Variants in RSF1 observed in about 807,000 individuals in gnomAD.
RSF1 encodes the protein remodeling and spacing factor 1.
RSF1 carries 13 observed loss-of-function variants against 145.2 expected under a neutral mutation model. The observed-to-expected ratio is 0.09, with a 90% CI of 0.06 to 0.14. The LOEUF is 0.14. RSF1 is among the 10% of genes least tolerant of loss of function. The probability of loss-of-function intolerance (pLI) is 1.00; values close to 1 mark genes in which losing one functional copy is unlikely to be tolerated. For missense variants in RSF1, 1,517 were observed against 1,718.2 expected (o/e 0.88, Z 2.07); for synonymous variants, 577 against 592.6 (o/e 0.97, Z 0.38).
intron 1 of RSF1, among the ~76,000 whole-genome samples, chr11:77,770,244 C>T (rs775371600): frequency 3.9e-5 from 6 of 152,080 alleles, no homozygotes; most frequent in Non-Finnish European, 7.4e-5. Context: ...GGGTGGATCA[C>T]GAGGTCAGGA....
chr11:77,779,604 A>G (rs1948383458), intron 1 of RSF1, among the ~76,000 whole-genome samples: 1 of 151,864 alleles, frequency 6.6e-6, no homozygotes, highest in African/African-American at 2.4e-5. Context: ...CTGGTCTCGA[A>G]CTCTTGACCT....
At chr11:77,687,534 C>T (rs888898033) in intron 9 of RSF1, among the ~76,000 whole-genome samples, 1 of 151,844 alleles carries the variant, frequency 6.6e-6, no homozygotes, top group African/African-American at 2.4e-5. Context: ...GGCAAAACCC[C>T]ATCTGTAGTA....
intron 1 of RSF1, among the ~76,000 whole-genome samples, chr11:77,798,331 T>A (rs776939406): frequency 5.9e-5 from 9 of 151,962 alleles, no homozygotes; most frequent in Non-Finnish European, 1.0e-4. Context: ...ATGCCTGTAA[T>A]CCTAGCACTT....
intron 4 of RSF1, among the ~76,000 whole-genome samples, chr11:77,727,814 CATTAAA>C (rs1256238776): frequency 6.6e-6 from 1 of 151,890 alleles, no homozygotes; most frequent in Admixed American, 6.6e-5. Flanking sequence ...GGGAATTTAG[CATTAAA>C]ATTTATTAAA....
chr11:77,684,249 T>C (rs1959945199), intron 10 of RSF1, among the ~76,000 whole-genome samples: 1 of 152,232 alleles, frequency 6.6e-6, no homozygotes, highest in Non-Finnish European at 1.5e-5. Context: ...AAATTACTTA[T>C]ACACATTTTT....
upstream of RSF1, among the ~76,000 whole-genome samples, chr11:77,823,552 A>G (rs1298793499): frequency 6.9e-6 from 1 of 145,870 alleles, no homozygotes; most frequent in Admixed American, 7.1e-5. Flanking sequence ...CAAGGTAGTG[A>G]GACCTCATCT....
chr11:77,792,632 T>C (rs1948530721), intron 1 of RSF1, among the ~76,000 whole-genome samples: 2 of 152,046 alleles, frequency 1.3e-5, no homozygotes. Flanking sequence ...CTGACGTTGT[T>C]TAGAGCCAAA....
the RSF1 span, among the ~76,000 whole-genome samples, chr11:77,827,930 A>G: frequency 6.6e-6 from 1 of 152,198 alleles, no homozygotes; most frequent in Admixed American, 6.5e-5. Context: ...GATACAAGAT[A>G]AATACTCAAA....
intron 4 of RSF1, chr11:77,735,006 T>C (rs73491984): frequency 0.13 from 200,976 of 1,589,746 alleles, 15,159 homozygotes; most frequent in African/African-American, 0.31. Flanking sequence ...GGCGCACCTG[T>C]GAGGTGGACG....
Position 77,773,412 on chromosome 11 carries a change from C to T in RSF1, c.188-8723G>A, listed in dbSNP as rs118182513. Among the ~76,000 whole-genome samples, 448 of 151,862 alleles carry T rather than the reference C, an allele frequency of 3.0e-3. 1 individual carries two copies. Among genetic ancestry groups the T allele is most frequent in the Non-Finnish European group, 4.8e-3 (324 of 67,954 alleles). On this transcript the variant is annotated intron_variant, in intron 1 of 15. Coordinates refer to ENST00000308488, the MANE Select transcript of RSF1 (RefSeq NM_016578.4). The stretch of plus-strand genomic sequence containing the variant: ...AGCCATTCCACTTCCAAACTGATTT[C>T]GGAAAATTTTAAATACAAAAAGCAG...
chr11:77,706,252 A>G (rs1038294982), intron 5 of RSF1, among the ~76,000 whole-genome samples: 155 of 151,968 alleles, frequency 1.0e-3, no homozygotes, highest in Non-Finnish European at 1.9e-3. Flanking sequence ...AAAAAAAAAA[A>G]AAAAAAAATT....
At chr11:77,774,600 AT>A (rs1948321924) in intron 1 of RSF1, among the ~76,000 whole-genome samples, 3 of 149,028 alleles carry the variant, frequency 2.0e-5, no homozygotes, top group Admixed American at 6.7e-5. Flanking sequence ...AAATAAATAA[AT>A]AAATAAATAA....
At chr11:77,798,731 A>C (rs1948598057) in intron 1 of RSF1, among the ~76,000 whole-genome samples, 2 of 151,740 alleles carry the variant, frequency 1.3e-5, no homozygotes, top group African/African-American at 4.8e-5. Flanking sequence ...AAACTATCAC[A>C]AGAACAGAAA....
chr11:77,694,619 T>G (rs771154623), intron 7 of RSF1, among the ~76,000 whole-genome samples: 17 of 152,194 alleles, frequency 1.1e-4, no homozygotes, highest in Non-Finnish European at 2.2e-4. Context: ...TTCACCCAAT[T>G]TTTAACACCA....
At chr11:77,744,433 G>A (rs1437938046) in intron 3 of RSF1, among the ~76,000 whole-genome samples, 2 of 152,154 alleles carry the variant, frequency 1.3e-5, no homozygotes, top group African/African-American at 4.8e-5. Flanking sequence ...CCAGCAGCTA[G>A]GTCTACAGGT....
chr11:77,805,410 C>A (rs1203934813), intron 1 of RSF1, among the ~76,000 whole-genome samples: 1 of 151,588 alleles, frequency 6.6e-6, no homozygotes, highest in Non-Finnish European at 1.5e-5. Flanking sequence ...CACTACACTC[C>A]AGCCTGGGGG....
chr11:77,753,760 A>G (rs547451890), intron 2 of RSF1, among the ~76,000 whole-genome samples: 4 of 152,236 alleles, frequency 2.6e-5, no homozygotes, highest in Non-Finnish European at 5.9e-5. Context: ...AACTTCTCCA[A>G]TTATTCCTGC....
chr11:77,779,226 G>A (rs1291027703), intron 1 of RSF1, among the ~76,000 whole-genome samples: 1 of 151,920 alleles, frequency 6.6e-6, no homozygotes, highest in African/African-American at 2.4e-5. Flanking sequence ...TTTATTTTTA[G>A]AGACAGAGTC....
chr11:77,694,180 T>C (rs1960228479), intron 7 of RSF1, among the ~76,000 whole-genome samples: 1 of 152,230 alleles, frequency 6.6e-6, no homozygotes, highest in South Asian at 2.1e-4. Context: ...TCCTTTTTCA[T>C]TCAGTATATA....
Sources: allele counts gnomAD v4.1 joint callset (sites outside exome capture counted in the v4.1 genomes callset), GRCh38; gene constraint gnomAD v4.1.1; transcripts MANE v1.5; gene names NCBI Gene and HGNC (gene_info 2026-07-23, HGNC 2026-07-21).